Variants in OR52E5 observed in about 807,000 individuals in gnomAD.
OR52E5 encodes olfactory receptor family 52 subfamily E member 5, also known as olfactory receptor 52E5.
At chr11:5,894,878 C>A (rs902275788) in intron 1 of OR52E5, among the ~76,000 whole-genome samples, 1 of 152,060 alleles carries the variant, frequency 6.6e-6, no homozygotes, top group Non-Finnish European at 1.5e-5. Flanking sequence ...ACAGACAATA[C>A]ATAAATGAAT....
chr11:5,901,507 T>C lies in OR52E5; in HGVS notation c.731T>C (p.Val244Ala). 2.5e-6 allele frequency: 1 copy of C among 401,840 alleles called. No homozygotes were observed. Among genetic ancestry groups the C allele is most frequent in the East Asian group, 3.6e-5 (1 of 28,068 alleles). The allele number at this position is 401,840 out of a possible 1,614,324, so 24.9% of individuals were successfully genotyped here. ...PKALSTCGSH[V>A]CVMLAFYLPA... ...GCACTCAGCACATGTGGCTCTCACG[T>C]CTGTGTTATGTTGGCTTTCTACCTG... is the stretch of plus-strand genomic sequence containing the variant. Residue 244 changes from valine to alanine, a missense_variant, in exon 3 of 3, where the codon GTC becomes GCC. Transcript: ENST00000610445.
At chr11:5,894,309 A>T (rs2134286714) in intron 1 of OR52E5, among the ~76,000 whole-genome samples, 1 of 152,306 alleles carries the variant, frequency 6.6e-6, no homozygotes, top group Non-Finnish European at 1.5e-5. Flanking sequence ...GGTCTTAGTT[A>T]GTGTCCAAGA....
chr11:5,896,030 C>G (rs1442690177), intron 2 of OR52E5, among the ~76,000 whole-genome samples: 5 of 150,792 alleles, frequency 3.3e-5, no homozygotes, highest in Non-Finnish European at 5.9e-5. Flanking sequence ...GCCTGGGAAA[C>G]AGAGAGAGAC....
Position 5,900,797 on chromosome 11 carries a change from A to T in OR52E5, c.21A>T (p.Thr7=). The T allele has an allele frequency of 2.5e-6, 1 of 401,218 alleles. No individual in the cohort carries two copies. Among genetic ancestry groups the T allele is most frequent in the East Asian group, 3.6e-5 (1 of 28,068 alleles). 24.9% of individuals were successfully genotyped at this position (401,218 alleles called of 1,614,324 possible). ...CCAATATGCTTCATACCAACAATAC[A>T]CAGTTTCACCCTTCCACCTTCCTCG... The part of the protein sequence containing the change: MLHTNN[T]QFHPSTFLVV... Residue 7 remains threonine, a synonymous_variant, in exon 3 of 3, where the codon ACA becomes ACT. Coordinates refer to ENST00000610445, the MANE Select transcript of OR52E5 (RefSeq NM_001005166.5).
rs1476858689 is a variant in OR52E5, at chr11:5,897,519, C to T, written c.-146+1806C>T. ...TGTATACGTCCCACATTTTATTTACCCAATCTACCACTGATGGACACTTAG... is the reference window on the plus strand; with the variant it reads ...TGTATACGTCCCACATTTTATTTACTCAATCTACCACTGATGGACACTTAG... On this transcript the variant is annotated intron_variant, in intron 2 of 2. Transcript: ENST00000610445. 3.3e-5 allele frequency among the ~76,000 whole-genome samples: 5 copies of T among 152,278 alleles called. No individual in the cohort carries two copies. The East Asian group carries it at 7.7e-4, about 24-fold the overall frequency.
In OR52E5 at chr11:5,900,116, G is replaced by A. The variant is rs567050173; in HGVS notation, c.-145-516G>A. ...AGAGCATCCAGTGTTTTCTATTCAG[G>A]AAAGAAAACATAATATAGTGAAGGG... is the stretch of plus-strand genomic sequence containing the variant. On this transcript the variant is annotated intron_variant, in intron 2 of 2. Transcript: ENST00000610445. 3.9e-5 allele frequency among the ~76,000 whole-genome samples: 6 copies of A among 152,182 alleles called. No individual in the cohort carries two copies. The East Asian group carries it at 1.2e-3, about 29-fold the overall frequency.
chr11:5,895,148 T>A (rs1158767278), intron 1 of OR52E5, among the ~76,000 whole-genome samples: 1 of 152,192 alleles, frequency 6.6e-6, no homozygotes, highest in Non-Finnish European at 1.5e-5. Flanking sequence ...AAGGCCATGG[T>A]GAATTAAATG....
intron 1 of OR52E5, among the ~76,000 whole-genome samples, chr11:5,893,476 C>A (rs768548440): frequency 6.6e-6 from 1 of 151,322 alleles, no homozygotes; most frequent in East Asian, 1.9e-4. Context: ...TACTTAAGGA[C>A]ATGATAAAGG....
Position 5,901,596 on chromosome 11 carries a change from C to A in OR52E5, c.820C>A (p.Leu274Ile). 2.5e-6 allele frequency: 1 copy of A among 401,696 alleles called. No individual in the cohort carries two copies. 24.9% of individuals were successfully genotyped at this position (401,696 alleles called of 1,614,324 possible). Reference protein sequence around the residue: ...GHNIPHYIHILLANLYVVFPP... With the variant: ...GHNIPHYIHIILANLYVVFPP... ...CAACATCCCTCATTACATCCACATTCTTCTGGCCAATCTGTATGTGGTTTT... is the reference window on the plus strand; with the variant it reads ...CAACATCCCTCATTACATCCACATTATTCTGGCCAATCTGTATGTGGTTTT... Residue 274 changes from leucine to isoleucine, a missense_variant, in exon 3 of 3, where the codon CTT becomes ATT. Coordinates refer to ENST00000610445, the MANE Select transcript of OR52E5 (RefSeq NM_001005166.5).
chr11:5,894,880 T>C (rs549609429), intron 1 of OR52E5, among the ~76,000 whole-genome samples: 1 of 152,222 alleles, frequency 6.6e-6, no homozygotes, highest in East Asian at 1.9e-4. Context: ...AGACAATACA[T>C]AAATGAATGA....
At chr11:5,900,560 T>C in intron 2 of OR52E5, 72 bp from the exon 3 acceptor site, 1 of 373,836 alleles carries the variant, frequency 2.7e-6, no homozygotes, top group Non-Finnish European at 4.7e-6. Context: ...TCTGCATGGT[T>C]TCCTGTGTAA....
At chr11:5,893,822 G>A (rs981692613) in intron 1 of OR52E5, among the ~76,000 whole-genome samples, 1 of 151,878 alleles carries the variant, frequency 6.6e-6, no homozygotes, top group Non-Finnish European at 1.5e-5. Context: ...AAATAAAAAA[G>A]GCTTACTTTT....
At chr11:5,900,590 G>T in intron 2 of OR52E5, 42 bp from the exon 3 acceptor site, 1 of 388,666 alleles carries the variant, frequency 2.6e-6, no homozygotes, top group Non-Finnish European at 4.5e-6. Context: ...ATATTTAAAA[G>T]TGAGAGTGTC....
At chr11:5,895,556 C>A (rs990784310) in intron 1 of OR52E5, 76 bp from the exon 2 acceptor site, 1 of 152,088 alleles carries the variant, frequency 6.6e-6, no homozygotes, top group Non-Finnish European at 1.5e-5. Context: ...TGATATATAA[C>A]CTCTATTTTT....
chr11:5,893,789 T>C (rs1847136413), intron 1 of OR52E5, among the ~76,000 whole-genome samples: 1 of 152,004 alleles, frequency 6.6e-6, no homozygotes, highest in Non-Finnish European at 1.5e-5. Context: ...TGCCAACAAC[T>C]AGATAATATA....
chr11:5,899,626 G>C (rs1847222054), intron 2 of OR52E5, among the ~76,000 whole-genome samples: 1 of 152,110 alleles, frequency 6.6e-6, no homozygotes, highest in East Asian at 1.9e-4. Context: ...GCCCGAATCT[G>C]ACTAACCCAA....
chr11:5,895,456 G>A (rs961867787), intron 1 of OR52E5, among the ~76,000 whole-genome samples, 176 bp from the exon 2 acceptor site: 2 of 152,032 alleles, frequency 1.3e-5, no homozygotes, highest in African/African-American at 4.8e-5. Context: ...CCTTATTTCA[G>A]TGACAGATTA....
At chr11:5,893,806 CA>C (rs914834572) in intron 1 of OR52E5, among the ~76,000 whole-genome samples, 2 of 151,286 alleles carry the variant, frequency 1.3e-5, no homozygotes, top group Middle Eastern at 3.2e-3. Context: ...TATAGAAATA[CA>C]AAAAAAATAA....
intron 1 of OR52E5, among the ~76,000 whole-genome samples, chr11:5,895,267 C>T (rs1035643287): frequency 2.0e-5 from 3 of 152,082 alleles, no homozygotes; most frequent in African/African-American, 7.3e-5. Flanking sequence ...GTAACAAGCA[C>T]TGTCTTAAGG....
Sources: gnomAD v4.1 joint callset for allele counts (sites outside exome capture counted in the v4.1 genomes callset) on GRCh38, gnomAD v4.1.1 for gene constraint, MANE v1.5 for transcripts, NCBI Gene and HGNC (gene_info 2026-07-23, HGNC 2026-07-21) for gene names.